The following HADHA variants were observed in gnomAD, a reference collection of about 807,000 sequenced individuals.
The protein encoded by HADHA is hydroxyacyl-CoA dehydrogenase trifunctional multienzyme complex subunit alpha.
Under a neutral mutation model 91.3 loss-of-function variants are expected in HADHA, and 59 were observed. The observed-to-expected ratio is 0.65, with a 90% CI of 0.52 to 0.80. The LOEUF is 0.80. HADHA is among the 30% of genes least tolerant of loss of function. The pLI, the probability that HADHA is intolerant of heterozygous loss-of-function variation, is 0.00. For synonymous variants in HADHA, 320 were observed against 338.9 expected, an observed-to-expected ratio of 0.94 and a Z score of 0.61; for missense variants, 800 against 927.6, an observed-to-expected ratio of 0.86 and a Z score of 1.79.
At chr2:26,222,968 T>C (rs1476832862) in intron 7 of HADHA, among the ~76,000 whole-genome samples, 1 of 152,208 alleles carries the variant, frequency 6.6e-6, no homozygotes, top group Non-Finnish European at 1.5e-5. Context: ...ACAGCCAGGA[T>C]TCGTGAGTCC....
chr2:26,240,921 C>G (rs138064313), intron 1 of HADHA, among the ~76,000 whole-genome samples: 1 of 152,314 alleles, frequency 6.6e-6, no homozygotes, highest in East Asian at 1.9e-4. Context: ...CAAATAGAAA[C>G]AAATAGAAAA....
Position 26,192,359 on chromosome 2 carries a change from C to G in HADHA, c.1951G>C (p.Asp651His). The change falls in exon 18 of 20, where the codon GAC becomes CAC. Residue 651 changes from aspartate (D) to histidine (H), a missense_variant. Asp to His is a moderately conservative substitution (Grantham distance 81, BLOSUM62 -1). Coordinates refer to ENST00000380649, the MANE Select transcript of HADHA (RefSeq NM_000182.5). The part of the protein sequence containing the change: ...EGVKRKDLNS[D>H]MDSILASLKL... Reference sequence around the variant, plus strand: ...AGACTCGCTAAAATACTATCCATGTCAGAATTCAAATCCTTCCTCTTCACA... The same window carrying G: ...AGACTCGCTAAAATACTATCCATGTGAGAATTCAAATCCTTCCTCTTCACA... 6.2e-7 allele frequency: 1 copy of G among 1,611,516 alleles called. No individual in the cohort carries two copies. Among genetic ancestry groups the G allele is most frequent in the East Asian group, 2.2e-5 (1 of 44,880 alleles).
chr2:26,205,559 C>T (rs192268427), intron 11 of HADHA, among the ~76,000 whole-genome samples: 1 of 152,340 alleles, frequency 6.6e-6, no homozygotes, highest in Non-Finnish European at 1.5e-5. Context: ...GTGGCTTACG[C>T]CTGTAATCCC....
intron 6 of HADHA, among the ~76,000 whole-genome samples, chr2:26,231,864 G>C (rs1221897128): frequency 1.3e-5 from 2 of 151,754 alleles, no homozygotes; most frequent in Non-Finnish European, 2.9e-5. Context: ...AGCTACTGGG[G>C]AGGCTGAGGC....
At position 26,234,264 on chromosome 2, in the gene HADHA, G is replaced by T; in HGVS notation, c.406C>A (p.Pro136Thr). Residue 136 changes from proline (P) to threonine (T), a missense_variant, in exon 5 of 20, where the codon CCT becomes ACT. By Grantham distance (38) the Pro-to-Thr change is conservative. Coordinates refer to ENST00000380649, the MANE Select transcript of HADHA (RefSeq NM_000182.5). ...GATCCATTGATGGCAGCCACAATAG[G>T]CTTTGTGGACTTTTCAAGTTTCTCA... is the stretch of plus-strand genomic sequence containing the variant. ...IVEKLEKSTK[P>T]IVAAINGSCL... 1 of 1,612,762 alleles carries T rather than the reference G, an allele frequency of 6.2e-7. No individual in the cohort carries two copies. The highest frequency in any genetic ancestry group is 8.5e-7 in the Non-Finnish European group (1 of 1,178,758).
In HADHA at chr2:26,214,489, C is replaced by A. The variant is rs143414408; in HGVS notation, c.872G>T (p.Arg291Leu). ...QVYKKVEEKV[R>L]KQTKGLYPAP... The stretch of plus-strand genomic sequence containing the variant: ...AGGATAAAGGCCTTTAGTCTGCTTT[C>A]GCACTTTTTCTTCCACTTTTTTGTA... Residue 291 changes from arginine (R) to leucine (L), a missense_variant, in exon 9 of 20, where the codon CGA (arginine) becomes CTA (leucine). Coordinates refer to ENST00000380649, the MANE Select transcript of HADHA (RefSeq NM_000182.5). The surrounding 1 kb of genome is among the most constrained non-coding windows in gnomAD (Gnocchi z 4.1). 1 of 1,605,620 alleles carries A rather than the reference C, an allele frequency of 6.2e-7. No individual in the cohort carries two copies. The highest frequency in any genetic ancestry group is 8.5e-7 in the Non-Finnish European group (1 of 1,173,504).
Position 26,214,992 on chromosome 2 carries a change from CA to C in HADHA, c.799+60del. 5.6e-6 allele frequency: 8 copies of C among 1,431,568 alleles called. No homozygotes were observed. The highest frequency in any genetic ancestry group is 7.9e-6 in the Non-Finnish European group (8 of 1,016,188). 88.7% of individuals were successfully genotyped at this position (1,431,568 alleles called of 1,614,324 possible). A position where few individuals can be genotyped will look rare whatever the true frequency, so the allele number is the denominator to read the frequency against. On this transcript the variant is annotated intron_variant, in intron 8 of 19. Coordinates refer to ENST00000380649, the MANE Select transcript of HADHA (RefSeq NM_000182.5). This position sits in a 1 kb window ranked among gnomAD's most constrained non-coding sequence, Gnocchi z 4.1. Reference sequence around the variant, plus strand: ...CCACTTCCTCATTTTGAATCTACAGCAAATAAAATTAAATTCTCAGGAAAGA... The same window carrying C: ...CCACTTCCTCATTTTGAATCTACAGCAATAAAATTAAATTCTCAGGAAAGA...
rs560521845 is a variant in HADHA at position 26,205,594 on chromosome 2, C to T, written c.1086-1398G>A. Among the ~76,000 whole-genome samples the T allele has an allele frequency of 2.6e-5, 4 of 152,230 alleles. No homozygotes were observed. In the South Asian group the frequency reaches 6.2e-4, roughly 24 times the overall value. On this transcript the variant is annotated intron_variant, in intron 11 of 19. Transcript: ENST00000380649. ...CAGCTCTTTCTTTGAGAGGCCAAGG[C>T]GGGCAGATCACAAGGTCAGGAGTTC...
Position 26,221,968 on chromosome 2 carries a change from G to A in HADHA, c.677-6793C>T, listed in dbSNP as rs1670384798. Among the ~76,000 whole-genome samples, 1 of 152,218 alleles carries A rather than the reference G, an allele frequency of 6.6e-6. No individual in the cohort carries two copies. Among genetic ancestry groups the A allele is most frequent in the African/African-American group, 2.4e-5 (1 of 41,450 alleles). ...TGGTAAGGAACTTACAGGGAACACAGATGAAAAACTGTTGGCAAGGTGTTA... is the reference window on the plus strand; with the variant it reads ...TGGTAAGGAACTTACAGGGAACACAAATGAAAAACTGTTGGCAAGGTGTTA... On this transcript the variant is annotated intron_variant, in intron 7 of 19. Transcript: ENST00000380649. The surrounding 1 kb of genome is among the most constrained non-coding windows in gnomAD (Gnocchi z 4.8).
At chr2:26,231,704 T>C (rs1290841156) in intron 6 of HADHA, among the ~76,000 whole-genome samples, 1 of 152,132 alleles carries the variant, frequency 6.6e-6, no homozygotes, top group African/African-American at 2.4e-5. Flanking sequence ...TGGTGGTTCA[T>C]GCCTGTAGTC....
intron 12 of HADHA, among the ~76,000 whole-genome samples, chr2:26,203,187 G>A (rs1669889143): frequency 6.6e-6 from 1 of 152,238 alleles, no homozygotes; most frequent in Non-Finnish European, 1.5e-5. Context: ...AAACCTGCCA[G>A]GTCCTGGTTA....
At chr2:26,230,112 C>G in intron 7 of HADHA, 80 bp downstream of exon 7, 1 of 880,170 alleles carries the variant, frequency 1.1e-6, no homozygotes, top group Admixed American at 1.7e-5. Context: ...TGTGAGCCAC[C>G]GTGCCTGGCC....
intron 7 of HADHA, among the ~76,000 whole-genome samples, chr2:26,219,020 A>AAG (rs1670305805): frequency 6.6e-6 from 1 of 150,898 alleles, no homozygotes; most frequent in Non-Finnish European, 1.5e-5. Flanking sequence ...AAAAAAAAAA[A>AAG]AAAGAAAGAA....
chr2:26,243,403 GT>G (rs3840467), intron 1 of HADHA: 26,432 of 150,642 alleles, frequency 0.18, 2,657 homozygotes, highest in Middle Eastern at 0.26. Flanking sequence ...TGGGTGATTC[GT>G]TTTTTTTTCA....
rs1311693597 is a variant in HADHA, at chr2:26,193,682, C to T, written c.1780G>A (p.Asp594Asn). ...TCTTCCGCCACATGTTTCGCTACATCCACACCAACTTCATCCACCAGTGTG... is the reference window on the plus strand; with the variant it reads ...TCTTCCGCCACATGTTTCGCTACATTCACACCAACTTCATCCACCAGTGTG... ...AATLVDEVGV[D>N]VAKHVAEDLG... is the part of the protein sequence containing the mutation. The change falls in exon 17 of 20, where the codon GAT (aspartate) becomes AAT (asparagine). Residue 594 changes from aspartate (D) to asparagine (N), a missense_variant. Coordinates refer to ENST00000380649, the MANE Select transcript of HADHA (RefSeq NM_000182.5). The T allele has an allele frequency of 3.1e-6, 5 of 1,613,942 alleles. No individual in the cohort carries two copies. The South Asian group carries it at 4.4e-5, about 14-fold the overall frequency.
rs1184319631 is a variant in HADHA, at chr2:26,204,046, G to A, written c.1220+16C>T. On this transcript the variant is annotated intron_variant, in intron 12 of 19. Coordinates refer to ENST00000380649, the MANE Select transcript of HADHA (RefSeq NM_000182.5). ...AAGGACATTCTAACTCTTGCAAAGA[G>A]AGAGAGCAGGCTTACCCTTTGAACA... The A allele has an allele frequency of 1.2e-6, 2 of 1,613,058 alleles. No homozygotes were observed. Among genetic ancestry groups the A allele is most frequent in the Admixed American group, 1.7e-5 (1 of 60,028 alleles).
At position 26,191,375 on chromosome 2, in the gene HADHA, G is replaced by C. The variant is rs766506078; in HGVS notation, c.2167C>G (p.Leu723Val). The change falls in exon 20 of 20, where the codon CTG (leucine) becomes GTG (valine). Residue 723 changes from leucine (L) to valine (V), a missense_variant. Physicochemically the swap from Leu to Val is conservative, Grantham distance 32 (BLOSUM62 1). Coordinates refer to ENST00000380649, the MANE Select transcript of HADHA (RefSeq NM_000182.5). ...TCCACTATCTTCTGGGCGCCATACA[G>C]ATCCACAAAGCGGAAAGGCCCTGAA... ...CLGGPFRFVD[L>V]YGAQKIVDRL... The C allele has an allele frequency of 6.8e-6, 11 of 1,614,092 alleles. No individual in the cohort carries two copies. Among genetic ancestry groups the C allele is most frequent in the Non-Finnish European group, 9.3e-6 (11 of 1,180,056 alleles).
intron 7 of HADHA, among the ~76,000 whole-genome samples, chr2:26,227,121 T>C (rs1376298615): frequency 3.3e-5 from 5 of 151,988 alleles, no homozygotes; most frequent in African/African-American, 1.2e-4. Context: ...TCCAAGAAAA[T>C]GGGCAAAAAA....
At position 26,230,226 on chromosome 2, in the gene HADHA, T is replaced by G. The variant is rs1423654411; in HGVS notation, c.642A>C (p.Lys214Asn). 4 of 1,613,328 alleles carry G rather than the reference T, an allele frequency of 2.5e-6. No individual in the cohort carries two copies. The highest frequency in any genetic ancestry group is 3.4e-6 in the Non-Finnish European group (4 of 1,179,402). Residue 214 changes from lysine to asparagine, a missense_variant, in exon 7 of 20, where the codon AAA becomes AAC. Coordinates refer to ENST00000380649, the MANE Select transcript of HADHA (RefSeq NM_000182.5). ...GRSIRADRAK[K>N]MGLVDQLVEP... ...CCACCAGTTGGTCAACCAGTCCCAT[T>G]TTCTTTGCCCTGTCTGCACGAATGC...
Sources: gnomAD v4.1 joint callset for allele counts (sites outside exome capture counted in the v4.1 genomes callset) on GRCh38, gnomAD v4.1.1 for gene constraint, Gnocchi (gnomAD v3.1) non-coding constraint, MANE v1.5 for transcripts, NCBI Gene and HGNC (gene_info 2026-07-23, HGNC 2026-07-21) for gene names.